Variants in HDAC6 observed in about 807,000 individuals in gnomAD.
The protein encoded by HDAC6 is histone deacetylase 6.
In HDAC6, 5 loss-of-function variants were observed where a neutral mutation model predicts 88.9. That is an observed-to-expected ratio of 0.06 (90% CI 0.03 to 0.12). The LOEUF (loss-of-function observed/expected upper bound fraction) is 0.12. Among genes scored for constraint, HDAC6 ranks in the 10% least tolerant of loss-of-function variants. The pLI, the probability that HDAC6 is intolerant of heterozygous loss-of-function variation, is 1.00. For synonymous variants in HDAC6, 378 were observed against 398.0 expected, an observed-to-expected ratio of 0.95 and a Z score of 0.60; for missense variants, 706 against 1,014.4, an observed-to-expected ratio of 0.70 and a Z score of 4.13.
intron 23 of HDAC6, among the ~76,000 whole-genome samples, chrX:48,821,491 C>CTT (rs869154128): frequency 1.3e-3 from 101 of 77,435 alleles, no homozygotes; most frequent in Non-Finnish European, 1.4e-3. Context: ...ATACCTGCCT[C>CTT]TTTTTTTTTT....
chrX:48,801,787 G>A (rs2062730407), upstream of HDAC6: 4 of 903,254 alleles, frequency 4.4e-6, no homozygotes, highest in African/African-American at 8.1e-5. Context: ...CTTGAGGCAC[G>A]GTCCCCTCTG....
intron 10 of HDAC6, among the ~76,000 whole-genome samples, chrX:48,812,085 T>G (rs1247386162): frequency 8.9e-6 from 1 of 112,930 alleles, no homozygotes; most frequent in Admixed American, 9.4e-5. Context: ...GCCAAGGGTC[T>G]GTCATTCAAA....
chrX:48,821,155 G>A (rs1431304222), intron 23 of HDAC6, among the ~76,000 whole-genome samples: 4 of 109,973 alleles, frequency 3.6e-5, no homozygotes, highest in African/African-American at 1.3e-4. Context: ...ACTGTTATGC[G>A]TTGTTCAGAT....
intron 8 of HDAC6, 157 bp downstream of exon 8, chrX:48,806,863 A>C: frequency 2.5e-6 from 1 of 394,517 alleles, no homozygotes; most frequent in Non-Finnish European, 4.3e-6. Context: ...TGTCACCCAG[A>C]CACCTGCCTC....
At chrX:48,820,381 G>A in intron 23 of HDAC6, 126 bp downstream of exon 23, 1 of 573,311 alleles carries the variant, frequency 1.7e-6, no homozygotes, top group Non-Finnish European at 2.7e-6. Context: ...GCACATACTG[G>A]GTAGTAATAA....
At chrX:48,813,003 G>C (rs782563575) in intron 10 of HDAC6, among the ~76,000 whole-genome samples, 33 of 111,687 alleles carry the variant, frequency 3.0e-4, no homozygotes, top group Non-Finnish European at 4.0e-4. Context: ...CGCCTCCTGG[G>C]TTCAAGCAAT....
chrX:48,813,323 A>G (rs1183797781), intron 10 of HDAC6: 1 of 112,052 alleles, frequency 8.9e-6, no homozygotes, highest in African/African-American at 3.2e-5. Context: ...ATCATCCTCC[A>G]CCTACTCAAC....
intron 22 of HDAC6, among the ~76,000 whole-genome samples, chrX:48,819,042 C>T (rs1370348921): frequency 2.7e-5 from 3 of 111,963 alleles, no homozygotes; most frequent in Admixed American, 9.4e-5. Flanking sequence ...TCACCCTGGG[C>T]GCCGGTGTGC....
intron 11 of HDAC6, 36 bp downstream of exon 11, chrX:48,814,602 C>A (rs781996305): frequency 8.3e-7 from 1 of 1,206,474 alleles, no homozygotes; most frequent in Non-Finnish European, 1.1e-6. Flanking sequence ...CAAAGTGAGG[C>A]CCAGCCCCGC....
At chrX:48,815,836 G>A (rs1260143572) in intron 16 of HDAC6, 48 bp from the exon 17 acceptor site, 4 of 1,174,294 alleles carry the variant, frequency 3.4e-6, no homozygotes, top group Admixed American at 2.3e-5. Context: ...AGAGTATGAC[G>A]GGGATTCAGA....
chrX:48,814,414 C>G, intron 10 of HDAC6, 26 bp from the exon 11 acceptor site: 1 of 1,209,106 alleles, frequency 8.3e-7, no homozygotes, highest in South Asian at 1.8e-5. Flanking sequence ...CTCCAACTCT[C>G]TTACCTCTTT....
chrX:48,801,825 A>G, upstream of HDAC6: 3 of 967,753 alleles, frequency 3.1e-6, no homozygotes, highest in Non-Finnish European at 4.0e-6. Flanking sequence ...GGCAGTCGAG[A>G]GACGAGGCCC....
chrX:48,804,181 A>T (rs1319804305), intron 4 of HDAC6, among the ~76,000 whole-genome samples: 5 of 111,807 alleles, frequency 4.5e-5, no homozygotes, highest in African/African-American at 6.5e-5. Flanking sequence ...AAAATAAAAA[A>T]AAAAAAAGTA....
Position 48,823,148 on chromosome X carries a change from G to C in HDAC6, c.2749G>C (p.Gly917Arg). The C allele has an allele frequency of 8.3e-7, 1 of 1,208,722 alleles. No homozygotes were observed. The highest frequency in any genetic ancestry group is 1.8e-5 in the South Asian group (1 of 56,302). Reference protein sequence around the residue: ...QDQPSEAATGGATLAQTISEA... With the variant: ...QDQPSEAATGRATLAQTISEA... ...CCAGCCCTCAGAGGCAGCCACAGGG[G>C]GAGCCACTCTGGCCCAGACCATTTC... Residue 917 changes from glycine (G) to arginine (R), a missense_variant, in exon 25 of 29, where the codon GGA becomes CGA. By Grantham distance (125) the Gly-to-Arg change is moderately radical. Around this residue, in one of 9 missense-constraint regions of HDAC6, gnomAD observed 89 missense variants for 90.9 expected, o/e 0.98. Transcript: ENST00000334136.
rs782368786 is a variant in HDAC6 at position 48,806,106 on chromosome X, G to A, written c.438-262G>A. On this transcript the variant is annotated intron_variant, in intron 6 of 28. Coordinates refer to ENST00000334136, the MANE Select transcript of HDAC6 (RefSeq NM_006044.4). ...AGTGAGTCAGATGAAGAGGGTGACT[G>A]AGGGAAGGGAAGAACAGACAGCTGA... 8 of 368,367 alleles carry A rather than the reference G, an allele frequency of 2.2e-5. No individual in the cohort carries two copies. The South Asian group carries it at 3.5e-4, about 16-fold the overall frequency. The allele number at this position is 368,367 out of a possible 1,213,427, so 30.4% of individuals were successfully genotyped here.
At position 48,815,036 on chromosome X, in the gene HDAC6, G is replaced by A. The variant is rs202088206; in HGVS notation, c.1134G>A (p.Leu378=). ...TCATGGGTCTGGCAGGAGGCAAGCT[G>A]ATCCTGTCTCTGGAGGTGAGTGACT... ...HLLMGLAGGK[L]ILSLEGGYNL... The change falls in exon 14 of 29, where the codon CTG becomes CTA. Residue 378 remains leucine (L), a synonymous_variant. Transcript: ENST00000334136. 6 of 1,198,127 alleles carry A rather than the reference G, an allele frequency of 5.0e-6. No individual in the cohort carries two copies. The East Asian group carries it at 1.8e-4, about 36-fold the overall frequency.
chrX:48,816,902 C>T (rs1328199818), intron 19 of HDAC6: 1 of 351,507 alleles, frequency 2.8e-6, no homozygotes, highest in Non-Finnish European at 4.9e-6. Flanking sequence ...TGCAGTAAGC[C>T]ATGATTGCAC....
chrX:48,817,559 G>T (rs1417093315), intron 20 of HDAC6, 100 bp downstream of exon 20: 145 of 827,237 alleles, frequency 1.8e-4, no homozygotes, highest in Non-Finnish European at 2.3e-4. Context: ...CCAGCTCCCA[G>T]GACTTCCTTC....
chrX:48,806,848 A>G (rs2062826743), intron 8 of HDAC6, 142 bp downstream of exon 8: 5 of 418,788 alleles, frequency 1.2e-5, no homozygotes, highest in Non-Finnish European at 1.6e-5. Flanking sequence ...TCTGTCTCCC[A>G]TCCTTGTCAC....
Sources: allele counts gnomAD v4.1 joint callset (sites outside exome capture counted in the v4.1 genomes callset), GRCh38; gene constraint gnomAD v4.1.1; regional missense constraint gnomAD v4.1.1; transcripts MANE v1.5; gene names NCBI Gene and HGNC (gene_info 2026-07-23, HGNC 2026-07-21).